Variants in PRICKLE4 observed in about 807,000 individuals in gnomAD.
PRICKLE4 encodes the protein prickle planar cell polarity protein 4, also known as prickle-like protein 4.
In PRICKLE4, 40 loss-of-function variants were observed where a neutral mutation model predicts 43.5. That is an observed-to-expected ratio of 0.92 (90% CI 0.71 to 1.20). PRICKLE4 has a LOEUF of 1.20. Among genes scored for constraint, PRICKLE4 ranks in the 50% most tolerant of loss-of-function variants. The pLI is 0.00. For missense variants in PRICKLE4, 527 were observed against 491.2 expected, an observed-to-expected ratio of 1.07 and a Z score of -0.69; for synonymous variants, 208 against 197.4, an observed-to-expected ratio of 1.05 and a Z score of -0.45.
chr6:41,784,084 A>C (rs1311408638), intron 3 of PRICKLE4, 47 bp from the exon 4 acceptor site: 1 of 1,417,780 alleles, frequency 7.1e-7, no homozygotes, highest in Non-Finnish European at 9.8e-7. Flanking sequence ...AGGAGAAAGG[A>C]AAGAAAAACC....
chr6:41,782,777 A>G (rs1210382141), intron 2 of PRICKLE4, among the ~76,000 whole-genome samples: 1 of 152,182 alleles, frequency 6.6e-6, no homozygotes, highest in African/African-American at 2.4e-5. Flanking sequence ...AGATTATCCA[A>G]TGCAATTGCT....
intron 7 of PRICKLE4, chr6:41,786,550 C>T (rs766812504): frequency 4.9e-6 from 5 of 1,023,230 alleles, no homozygotes; most frequent in Non-Finnish European, 7.2e-6. Context: ...GCGCCGCGGT[C>T]GGGGTTGCGG....
At chr6:41,785,642 G>T (rs3747753) in intron 6 of PRICKLE4, 102 bp downstream of exon 6, 639,727 of 1,275,454 alleles carry the variant, frequency 0.5, 162,459 homozygotes, top group Admixed American at 0.68. Flanking sequence ...GTATCAGGGA[G>T]TGGGGAGAAG....
chr6:41,785,692 A>T (rs1262815292), intron 6 of PRICKLE4, 152 bp downstream of exon 6: 2 of 832,060 alleles, frequency 2.4e-6, no homozygotes, highest in Non-Finnish European at 3.7e-6. Flanking sequence ...CTGTGTTCTG[A>T]CTTGAGCTCT....
intron 6 of PRICKLE4, 56 bp downstream of exon 6, chr6:41,785,596 A>T: frequency 6.5e-7 from 1 of 1,529,304 alleles, no homozygotes; most frequent in South Asian, 1.1e-5. Context: ...GTGGCAGGAT[A>T]CAAAGGGACA....
chr6:41,786,014 T>C lies in PRICKLE4; in HGVS notation c.583-114T>C. 5.3e-6 allele frequency: 6 copies of C among 1,138,446 alleles called. No homozygotes were observed. The South Asian group carries it at 8.5e-5, about 16-fold the overall frequency. 70.5% of individuals were successfully genotyped at this position (1,138,446 alleles called of 1,614,324 possible). ...TCCAAAAGTGGCTGAGTGAATTAAA[T>C]GGGAATGTGTGCAGACGTGCTTTAG... On this transcript the variant is annotated intron_variant, in intron 6 of 7. Transcript: ENST00000458694.
In PRICKLE4 at chr6:41,786,333, G is replaced by T; in HGVS notation, c.787+1G>T. 1.3e-6 allele frequency: 2 copies of T among 1,556,758 alleles called. No individual in the cohort carries two copies. The highest frequency in any genetic ancestry group is 1.7e-6 in the Non-Finnish European group (2 of 1,150,784). On this transcript the variant is annotated splice_donor_variant, in intron 7 of 7. Coordinates refer to ENST00000458694, the MANE Select transcript of PRICKLE4 (RefSeq NM_013397.6). LOFTEE classifies it high-confidence loss of function. ...GCACTGGAAGGGCAGGCATTCCTTG[G>T]TAAGGGAGAGGATGCAGAGCAAAGC...
intron 7 of PRICKLE4, 122 bp downstream of exon 7, chr6:41,786,454 C>A: frequency 8.3e-7 from 1 of 1,201,580 alleles, no homozygotes; most frequent in Non-Finnish European, 1.2e-6. Flanking sequence ...GCCCCCACCG[C>A]ACCCCCCAGA....
At chr6:41,785,921 C>T (rs935368321) in intron 6 of PRICKLE4, among the ~76,000 whole-genome samples, 30 of 152,326 alleles carry the variant, frequency 2.0e-4, no homozygotes, top group African/African-American at 7.0e-4. Flanking sequence ...TCCAGACCCC[C>T]AGGTCGCACT....
chr6:41,786,115 C>G lies in PRICKLE4; in HGVS notation c.583-13C>G. 6.2e-7 allele frequency: 1 copy of G among 1,610,858 alleles called. No individual in the cohort carries two copies. The highest frequency in any genetic ancestry group is 8.5e-7 in the Non-Finnish European group (1 of 1,177,420). On this transcript the variant is annotated splice_polypyrimidine_tract_variant and intron_variant, in intron 6 of 7. Transcript: ENST00000458694. ...ATGAATGAAACGTTCCCCTCTCCCT[C>G]TCCCTCTCCCAGCTGATCTTCTCCT...
At position 41,787,018 on chromosome 6, in the gene PRICKLE4, G is replaced by C; in HGVS notation, c.1044G>C (p.Ser348=). ...PFSTCSSSSD[S]EPEGFFLGER... is the part of the protein sequence containing the mutation. ...CCACCTGCTCCTCCTCCTCTGACTC[G>C]GAACCTGAAGGATTTTTCTTAGGCG... Residue 348 remains serine (S), a synonymous_variant, in exon 8 of 8, where the codon TCG becomes TCC. Transcript: ENST00000458694. 1 of 1,614,018 alleles carries C rather than the reference G, an allele frequency of 6.2e-7. No individual in the cohort carries two copies. The highest frequency in any genetic ancestry group is 8.5e-7 in the Non-Finnish European group (1 of 1,180,026).
At chr6:41,784,367 G>GAGAATGACGCCCCAAC in intron 4 of PRICKLE4, 129 bp downstream of exon 4, 1 of 725,342 alleles carries the variant, frequency 1.4e-6, no homozygotes. Flanking sequence ...ACTGGTTGGG[G>GAGAATGACGCCCCAAC]CGTCATTCTC....
chr6:41,784,839 T>G lies in PRICKLE4; in HGVS notation c.241-96T>G. On this transcript the variant is annotated intron_variant, in intron 4 of 7. Transcript: ENST00000458694. ...GCATCTCCCTGAGGTTCTACAACCTTTCTCTGACCCAGCAGCCAAGCCCTT... is the reference window on the plus strand; with the variant it reads ...GCATCTCCCTGAGGTTCTACAACCTGTCTCTGACCCAGCAGCCAAGCCCTT... 2.7e-6 allele frequency: 4 copies of G among 1,509,304 alleles called. No homozygotes were observed. The South Asian group carries it at 4.8e-5, about 18-fold the overall frequency. The allele number at this position is 1,509,304 out of a possible 1,614,324, so 93.5% of individuals were successfully genotyped here. A position where few individuals can be genotyped will look rare whatever the true frequency, so the allele number is the denominator to read the frequency against.
Position 41,785,487 on chromosome 6 carries a change from T to C in PRICKLE4, c.529T>C (p.Cys177Arg). The C allele has an allele frequency of 6.2e-7, 1 of 1,614,054 alleles. No homozygotes were observed. The highest frequency in any genetic ancestry group is 8.5e-7 in the Non-Finnish European group (1 of 1,180,044). ...IYFYHDGQLY[C>R]GRHHAELLRP... ...CTTCTACCATGATGGACAACTCTAC[T>C]GCGGCCGTCATCATGCAGAGTTGCT... is the stretch of plus-strand genomic sequence containing the variant. Residue 177 changes from cysteine to arginine, a missense_variant, in exon 6 of 8, where the codon TGC (cysteine) becomes CGC (arginine). By Grantham distance (180) the Cys-to-Arg change is radical (BLOSUM62 -3). Transcript: ENST00000458694.
intron 3 of PRICKLE4, 150 bp downstream of exon 3, chr6:41,783,755 CT>C: frequency 9.1e-7 from 1 of 1,094,392 alleles, no homozygotes; most frequent in Non-Finnish European, 1.4e-6. Context: ...TCTGCACCTG[CT>C]TAGAACATGG....
At chr6:41,785,611 C>A in intron 6 of PRICKLE4, 71 bp downstream of exon 6, 1 of 1,461,128 alleles carries the variant, frequency 6.8e-7, no homozygotes, top group Non-Finnish European at 9.4e-7. Context: ...GGGACACTCT[C>A]CTGGGCCACA....
At chr6:41,785,293 T>C (rs1035071655) in intron 5 of PRICKLE4, 44 bp from the exon 6 acceptor site, 4 of 1,591,170 alleles carry the variant, frequency 2.5e-6, no homozygotes, top group East Asian at 2.2e-5. Flanking sequence ...GAAGTTAGGA[T>C]GGTAGTGCTT....
intron 4 of PRICKLE4, among the ~76,000 whole-genome samples, chr6:41,784,449 C>A (rs1455090691): frequency 6.6e-6 from 1 of 152,192 alleles, no homozygotes. Flanking sequence ...CACCACAATG[C>A]TTAGTTCAAG....
chr6:41,783,471 C>T lies in PRICKLE4; in HGVS notation c.-3C>T, dbSNP rs776763698. The T allele has an allele frequency of 4.7e-6, 7 of 1,497,524 alleles. No homozygotes were observed. The South Asian group carries it at 6.9e-5, about 15-fold the overall frequency. 92.8% of individuals were successfully genotyped at this position (1,497,524 alleles called of 1,614,324 possible). On this transcript the variant is annotated 5_prime_UTR_variant, in exon 3 of 8. Coordinates refer to ENST00000458694, the MANE Select transcript of PRICKLE4 (RefSeq NM_013397.6). ...TATTGTTTTGGGGTAGGCTTTGCCA[C>T]AAATGTCAGTGCAGAACTCTGGCTG...
Sources: gnomAD v4.1 joint callset for allele counts (sites outside exome capture counted in the v4.1 genomes callset) on GRCh38, gnomAD v4.1.1 for gene constraint, MANE v1.5 for transcripts, NCBI Gene and HGNC (gene_info 2026-07-23, HGNC 2026-07-21) for gene names.